VPS13B: variants seen among roughly 807,000 people sequenced by gnomAD.
The protein encoded by VPS13B is vacuolar protein sorting 13 homolog B.
VPS13B carries 285 observed loss-of-function variants against 426.4 expected under a neutral mutation model. The observed-to-expected ratio is 0.67, with a 90% CI of 0.61 to 0.74. The LOEUF (loss-of-function observed/expected upper bound fraction) is 0.74. Ranked by LOEUF, VPS13B falls within the 30% of genes least tolerant of loss-of-function variation. The pLI is 0.00. For synonymous variants in VPS13B, 1,676 were observed against 1,676.4 expected (o/e 1.00, Z 0.01); for missense variants, 4,537 against 4,782.6 (o/e 0.95, Z 1.51).
intron 17 of VPS13B, among the ~76,000 whole-genome samples, chr8:99,204,672 A>C (rs1360971156): frequency 1.3e-5 from 2 of 152,180 alleles, no homozygotes; most frequent in East Asian, 1.9e-4. Flanking sequence ...AGAAAAAAAA[A>C]CCCTATGAAA....
chr8:99,774,351 G>A (rs1811643791), intron 40 of VPS13B, among the ~76,000 whole-genome samples: 2 of 152,088 alleles, frequency 1.3e-5, no homozygotes, highest in Admixed American at 6.6e-5. Flanking sequence ...TATGATTCAG[G>A]AGCTACTGTA....
chr8:99,211,084 C>T (rs1455665557), intron 17 of VPS13B, among the ~76,000 whole-genome samples: 1 of 152,052 alleles, frequency 6.6e-6, no homozygotes, highest in Non-Finnish European at 1.5e-5. Flanking sequence ...GATTTTTTTC[C>T]CTTACTCTCA....
intron 19 of VPS13B, among the ~76,000 whole-genome samples, chr8:99,314,038 G>A: frequency 6.6e-6 from 1 of 152,176 alleles, no homozygotes; most frequent in East Asian, 1.9e-4. Flanking sequence ...TAGGGTGGGA[G>A]TGTCCTGATT....
chr8:99,568,271 G>C (rs980776948), intron 31 of VPS13B, among the ~76,000 whole-genome samples: 1 of 149,684 alleles, frequency 6.7e-6, no homozygotes, highest in African/African-American at 2.5e-5. Context: ...GATATATACC[G>C]ATAACTATTA....
intron 43 of VPS13B, among the ~76,000 whole-genome samples, chr8:99,793,052 A>AAT (rs1438285306): frequency 6.7e-4 from 101 of 150,654 alleles, no homozygotes; most frequent in African/African-American, 2.4e-3. Context: ...AAAAAAAAAA[A>AAT]AAAAAATTAG....
In VPS13B at chr8:99,835,205, T is replaced by C. The variant is rs1563499365; in HGVS notation, c.9623T>C (p.Val3208Ala). 6.2e-7 allele frequency: 1 copy of C among 1,613,994 alleles called. No homozygotes were observed. Among genetic ancestry groups the C allele is most frequent in the Non-Finnish European group, 8.5e-7 (1 of 1,179,960 alleles). Residue 3208 changes from valine to alanine, a missense_variant, in exon 53 of 62, where the codon GTG (valine) becomes GCG (alanine). This residue lies in a region of VPS13B where 4,311 missense variants were observed against 4,474.3 expected (regional missense o/e 0.96). Coordinates refer to ENST00000357162, the MANE Select transcript of VPS13B (RefSeq NM_152564.5). Reference protein sequence around the residue: ...RENGFCTRAIVLTYQEHLGVT... With the variant: ...RENGFCTRAIALTYQEHLGVT... The stretch of plus-strand genomic sequence containing the variant: ...ACTTGATTCTCTTCCAGGGCTATAG[T>C]GCTGACATATCAAGAACACCTCGGA...
intron 43 of VPS13B, among the ~76,000 whole-genome samples, chr8:99,801,117 T>C (rs944488074): frequency 4.6e-5 from 7 of 152,184 alleles, no homozygotes; most frequent in Admixed American, 1.3e-4. Flanking sequence ...TTATTGATGA[T>C]TGATGCTCTG....
intron 3 of VPS13B, among the ~76,000 whole-genome samples, chr8:99,093,465 G>T (rs1379418768): frequency 6.6e-6 from 1 of 151,480 alleles, no homozygotes; most frequent in Non-Finnish European, 1.5e-5. Flanking sequence ...TGCCATGCTG[G>T]TGCGCTGCAC....
At chr8:99,066,205 G>C (rs192059149) in intron 3 of VPS13B, among the ~76,000 whole-genome samples, 2 of 152,310 alleles carry the variant, frequency 1.3e-5, no homozygotes, top group Admixed American at 1.3e-4. Context: ...ACAATCCTAA[G>C]CCAAAAGAAC....
intron 35 of VPS13B, among the ~76,000 whole-genome samples, chr8:99,676,659 A>T (rs932537953): frequency 1.3e-5 from 2 of 151,678 alleles, no homozygotes; most frequent in Non-Finnish European, 2.9e-5. Context: ...AGGTACTGTG[A>T]TCGCTCACCT....
At chr8:99,186,735 G>C (rs1233678724) in intron 16 of VPS13B, among the ~76,000 whole-genome samples, 2 of 152,092 alleles carry the variant, frequency 1.3e-5, no homozygotes, top group Non-Finnish European at 2.9e-5. Flanking sequence ...GACATATCCT[G>C]TGTGTATAAT....
At chr8:99,521,730 G>A (rs947008580) in intron 30 of VPS13B, among the ~76,000 whole-genome samples, 1 of 152,200 alleles carries the variant, frequency 6.6e-6, no homozygotes, top group African/African-American at 2.4e-5. Flanking sequence ...TTTTTCAGAT[G>A]TTGTAGTCTC....
chr8:99,326,220 A>G (rs3110396), intron 19 of VPS13B, among the ~76,000 whole-genome samples: 125,468 of 151,876 alleles, frequency 0.83, 52,351 homozygotes, highest in South Asian at 0.89. Context: ...TGCTTGAAAA[A>G]ACAGGCATGT....
chr8:99,621,960 A>T (rs1248536437), intron 33 of VPS13B, among the ~76,000 whole-genome samples: 1 of 150,490 alleles, frequency 6.6e-6, no homozygotes, highest in Non-Finnish European at 1.5e-5. Context: ...CACGCTCCCG[A>T]GTAGCTGGGA....
At chr8:99,514,546 G>C (rs1008434279) in intron 29 of VPS13B, among the ~76,000 whole-genome samples, 2 of 152,100 alleles carry the variant, frequency 1.3e-5, no homozygotes, top group Non-Finnish European at 1.5e-5. Context: ...TTATCCTTTT[G>C]TGTCTGTCTT....
chr8:99,254,403 T>G (rs1817647159), intron 17 of VPS13B, among the ~76,000 whole-genome samples: 1 of 152,004 alleles, frequency 6.6e-6, no homozygotes, highest in African/African-American at 2.4e-5. Flanking sequence ...AAATATCTAC[T>G]GTCATTTCAT....
chr8:99,102,929 A>G lies in VPS13B; in HGVS notation c.413-24A>G, dbSNP rs533420084. 5.7e-6 allele frequency: 9 copies of G among 1,568,418 alleles called. No homozygotes were observed. In the African/African-American group the frequency reaches 1.1e-4, roughly 19 times the overall value. ...TTTACTGAGAGATTTGTGGCTAATT[A>G]AATTCTTTTTTTCTATTTTATAGGT... On this transcript the variant is annotated intron_variant, in intron 4 of 61. Transcript: ENST00000357162.
intron 60 of VPS13B, 90 bp from the exon 61 acceptor site, chr8:99,871,358 G>A: frequency 6.3e-7 from 1 of 1,599,116 alleles, no homozygotes; most frequent in Non-Finnish European, 8.5e-7. Context: ...TTGCCCTTGT[G>A]GAGGTTGCCC....
At chr8:99,328,094 A>G (rs1354121658) in intron 19 of VPS13B, among the ~76,000 whole-genome samples, 1 of 152,168 alleles carries the variant, frequency 6.6e-6, no homozygotes, top group Non-Finnish European at 1.5e-5. Flanking sequence ...CGTGTACACC[A>G]TCTCATGTCA....
Sources: gnomAD v4.1 joint callset for allele counts (sites outside exome capture counted in the v4.1 genomes callset) on GRCh38, gnomAD v4.1.1 for gene constraint, gnomAD v4.1.1 regional missense constraint, MANE v1.5 for transcripts, NCBI Gene and HGNC (gene_info 2026-07-23, HGNC 2026-07-21) for gene names.